The following PLXNA2 variants were observed in gnomAD, a reference collection of about 807,000 sequenced individuals.
PLXNA2 encodes plexin A2.
A neutral mutation model predicts 193.5 loss-of-function variants in PLXNA2; 91 were observed. The observed-to-expected ratio is 0.47, with a 90% CI of 0.40 to 0.56. The LOEUF (loss-of-function observed/expected upper bound fraction) is 0.56, where lower values mean the gene tolerates loss of function less well. Ranked by LOEUF, PLXNA2 falls within the 20% of genes least tolerant of loss-of-function variation. The pLI is 0.00. For synonymous variants in PLXNA2, 997 were observed against 1,027.3 expected (o/e 0.97, Z 0.56); for missense variants, 1,995 against 2,503.2 (o/e 0.80, Z 4.33).
rs77124925 is a variant in PLXNA2, at chr1:208,049,874, C to T, written c.3255+1135G>A. 4.3e-3 allele frequency among the ~76,000 whole-genome samples: 654 copies of T among 152,292 alleles called. 5 individuals carry two copies. Among genetic ancestry groups the T allele is most frequent in the Non-Finnish European group, 7.4e-3 (502 of 68,032 alleles). On this transcript the variant is annotated intron_variant, in intron 17 of 31. Coordinates refer to ENST00000367033, the MANE Select transcript of PLXNA2 (RefSeq NM_025179.4). ...GACATAACACCATCTTCTCCATCTC[C>T]ATCTTAGTCTAGTCAAGCCCCTGAA... is the stretch of plus-strand genomic sequence containing the variant.
intron 4 of PLXNA2, 69 bp downstream of exon 4, chr1:208,142,260 T>TGAACAAAG: frequency 6.6e-7 from 1 of 1,504,818 alleles, no homozygotes; most frequent in East Asian, 2.3e-5. Context: ...GAACAGTTTC[T>TGAACAAAG]GAACAAAGGT....
At chr1:208,027,859 T>G (rs1207196921) in intron 31 of PLXNA2, 150 bp downstream of exon 31, 26 of 596,674 alleles carry the variant, frequency 4.4e-5, no homozygotes. Flanking sequence ...AATCAGGAGT[T>G]GAGTTGCCTC....
chr1:208,061,426 T>C (rs1370197796), intron 12 of PLXNA2, among the ~76,000 whole-genome samples: 1 of 152,144 alleles, frequency 6.6e-6, no homozygotes, highest in African/African-American at 2.4e-5. Context: ...AGGCAGTTCA[T>C]GAATACCACT....
chr1:208,166,944 C>T (rs1348645280), intron 3 of PLXNA2, among the ~76,000 whole-genome samples: 1 of 152,170 alleles, frequency 6.6e-6, no homozygotes, highest in Non-Finnish European at 1.5e-5. Context: ...TGTGTTGCTG[C>T]AACTCCGCAC....
intron 13 of PLXNA2, among the ~76,000 whole-genome samples, chr1:208,054,900 G>A (rs547236320): frequency 1.3e-5 from 2 of 152,206 alleles, no homozygotes; most frequent in African/African-American, 4.8e-5. Context: ...CAGAGATCTC[G>A]GGGCAGCAAT....
chr1:208,233,152 G>T (rs1671742809), intron 1 of PLXNA2, among the ~76,000 whole-genome samples: 1 of 152,082 alleles, frequency 6.6e-6, no homozygotes, highest in South Asian at 2.1e-4. Context: ...ACTTATTTGT[G>T]ACTTGTAGGA....
chr1:208,060,799 T>C lies in PLXNA2; in HGVS notation c.2625A>G (p.Arg875=). Residue 875 remains arginine (R), a synonymous_variant, in exon 13 of 32, where the codon CGA becomes CGG. Coordinates refer to ENST00000367033, the MANE Select transcript of PLXNA2 (RefSeq NM_025179.4). ...TVSGPPEGGT[R]VTIHGVNLGL... is the part of the protein sequence containing the mutation. ...CCAGGTTCACGCCATGGATGGTCAC[T>C]CGCGTCCCTCCTTCCGGCGGTCCAG... The C allele has an allele frequency of 3.1e-6, 5 of 1,614,038 alleles. No homozygotes were observed. The highest frequency in any genetic ancestry group is 3.4e-6 in the Non-Finnish European group (4 of 1,179,994).
intron 29 of PLXNA2, chr1:208,031,191 C>A: frequency 9.6e-7 from 1 of 1,036,536 alleles, no homozygotes; most frequent in Non-Finnish European, 1.2e-6. Context: ...AACTGCCCCA[C>A]TCAGAATGCC....
Position 208,195,936 on chromosome 1 carries a change from A to G in PLXNA2, c.1371+14344T>C, listed in dbSNP as rs529981396. ...TACAGCTTCAAGAGGGGCAGCCATT[A>G]GACTACGGGAAAGACTGAAGGTACA... is the stretch of plus-strand genomic sequence containing the variant. On this transcript the variant is annotated intron_variant, in intron 3 of 31. Transcript: ENST00000367033. Among the ~76,000 whole-genome samples the G allele has an allele frequency of 5.5e-4, 84 of 151,560 alleles. No homozygotes were observed. In the Middle Eastern group the frequency reaches 0.01, roughly 19 times the overall value.
Position 208,031,135 on chromosome 1 carries a change from C to T in PLXNA2, c.5225+455G>A, listed in dbSNP as rs186356139. On this transcript the variant is annotated intron_variant, in intron 29 of 31. Transcript: ENST00000367033. ...TCCGGTGCTGACCAACTTCACCGGGCGTCTCAGTTTAATTCAGGGATTCCC... is the reference window on the plus strand; with the variant it reads ...TCCGGTGCTGACCAACTTCACCGGGTGTCTCAGTTTAATTCAGGGATTCCC... The T allele has an allele frequency of 3.6e-4, 359 of 999,584 alleles. 2 individuals carry two copies. In the Middle Eastern group the frequency reaches 4.1e-3, roughly 11 times the overall value. The allele number at this position is 999,584 out of a possible 1,614,324, so 61.9% of individuals were successfully genotyped here. A position where few individuals can be genotyped will look rare whatever the true frequency, so the allele number is the denominator to read the frequency against.
intron 9 of PLXNA2, among the ~76,000 whole-genome samples, chr1:208,089,315 C>T (rs1019654594): frequency 5.9e-5 from 9 of 152,196 alleles, no homozygotes; most frequent in African/African-American, 2.2e-4. Flanking sequence ...GAAGTCAGGC[C>T]AGCAAGTGTG....
chr1:208,028,175 T>A lies in PLXNA2; in HGVS notation c.5439-16A>T, dbSNP rs770606866. ...TGCGTAGTATCTGCCAGAGACAGGA[T>A]AGGCGCCTTGGTGGAGGCCTCAGCA... On this transcript the variant is annotated splice_polypyrimidine_tract_variant and intron_variant, in intron 30 of 31. Coordinates refer to ENST00000367033, the MANE Select transcript of PLXNA2 (RefSeq NM_025179.4). This position sits in a 1 kb window ranked among gnomAD's most constrained non-coding sequence, Gnocchi z 4.2. 1 of 1,594,398 alleles carries A rather than the reference T, an allele frequency of 6.3e-7. No individual in the cohort carries two copies. Among genetic ancestry groups the A allele is most frequent in the South Asian group, 1.1e-5 (1 of 88,096 alleles).
At chr1:208,172,113 TG>T (rs1472561842) in intron 3 of PLXNA2, among the ~76,000 whole-genome samples, 1 of 150,284 alleles carries the variant, frequency 6.7e-6, no homozygotes, top group Admixed American at 6.6e-5. Context: ...AATAGAGAGC[TG>T]GGGGGAAAAC....
At position 208,209,983 on chromosome 1, in the gene PLXNA2, A is replaced by AT. The variant is rs1553297870; in HGVS notation, c.1371+296dup. On this transcript the variant is annotated intron_variant, in intron 3 of 31. Coordinates refer to ENST00000367033, the MANE Select transcript of PLXNA2 (RefSeq NM_025179.4). ...TTGCTTGATTTGGGAATGAAGAGCA[A>AT]TTTTTTTTTTTTTTTTTTTTTGCTT... The AT allele has an allele frequency of 5.6e-3, 494 of 87,972 alleles. 19 individuals are homozygous for AT. Among genetic ancestry groups the AT allele is most frequent in the African/African-American group, 0.023 (482 of 20,934 alleles). The allele number at this position is 87,972 out of a possible 1,614,324, so 5.4% of individuals were successfully genotyped here.
chr1:208,175,092 C>G (rs74153095), intron 3 of PLXNA2, among the ~76,000 whole-genome samples: 1,630 of 152,246 alleles, frequency 0.011, 29 homozygotes, highest in African/African-American at 0.037. Flanking sequence ...AAACAGAACT[C>G]AACAGCAGTG....
Position 208,026,119 on chromosome 1 carries a change from C to T in PLXNA2, c.*1124G>A, listed in dbSNP as rs975388509. ...TTTTCTTTTTAATTGCCAGGGACCA[C>T]TGGATGATTGGAGTGAACTCCAAAG... On this transcript the variant is annotated 3_prime_UTR_variant, in exon 32 of 32. Transcript: ENST00000367033. 2.0e-5 allele frequency: 3 copies of T among 152,668 alleles called. No individual in the cohort carries two copies. Among genetic ancestry groups the T allele is most frequent in the Non-Finnish European group, 4.4e-5 (3 of 68,056 alleles). The allele number at this position is 152,668 out of a possible 1,614,324, so 9.5% of individuals were successfully genotyped here.
chr1:208,106,437 C>T (rs1022566076), intron 4 of PLXNA2, among the ~76,000 whole-genome samples: 5 of 152,162 alleles, frequency 3.3e-5, no homozygotes, highest in Admixed American at 1.3e-4. Flanking sequence ...AAGAAGAAAG[C>T]GATACGTGTT....
At chr1:208,072,541 T>A (rs1445775243) in intron 12 of PLXNA2, among the ~76,000 whole-genome samples, 1 of 152,186 alleles carries the variant, frequency 6.6e-6, no homozygotes, top group Non-Finnish European at 1.5e-5. Context: ...GCTGAGATGC[T>A]TGAGAGGTCA....
intron 9 of PLXNA2, among the ~76,000 whole-genome samples, chr1:208,087,398 G>GT (rs35601723): frequency 0.22 from 31,111 of 143,656 alleles, 3,446 homozygotes; most frequent in Middle Eastern, 0.34. Flanking sequence ...TATTACATGA[G>GT]TTTTTTTTTT....
Sources: gnomAD v4.1 joint callset for allele counts (sites outside exome capture counted in the v4.1 genomes callset) on GRCh38, gnomAD v4.1.1 for gene constraint, Gnocchi (gnomAD v3.1) non-coding constraint, MANE v1.5 for transcripts, NCBI Gene and HGNC (gene_info 2026-07-23, HGNC 2026-07-21) for gene names.